GRM7: variants seen among roughly 807,000 people sequenced by gnomAD.
GRM7 encodes the protein metabotropic glutamate receptor 7.
A neutral mutation model predicts 84.5 loss-of-function variants in GRM7; 35 were observed. The ratio of observed to expected loss-of-function variants is 0.41; its 90% CI spans 0.32 to 0.55. The LOEUF (loss-of-function observed/expected upper bound fraction) is 0.55, where lower values mean the gene tolerates loss of function less well. Among genes scored for constraint, GRM7 ranks in the 20% least tolerant of loss-of-function variants. The pLI is 0.19. For synonymous variants in GRM7, 487 were observed against 455.1 expected (o/e 1.07, Z -0.89); for missense variants, 1,003 against 1,194.6 (o/e 0.84, Z 2.36).
chr3:7,272,156 C>A (rs543269708), intron 2 of GRM7, among the ~76,000 whole-genome samples: 1 of 152,268 alleles, frequency 6.6e-6, no homozygotes, highest in African/African-American at 2.4e-5. Flanking sequence ...TTTCCTCTCT[C>A]CCTCCGTAAC....
At chr3:7,308,528 C>T (rs1700277022) in intron 4 of GRM7, among the ~76,000 whole-genome samples, 1 of 152,156 alleles carries the variant, frequency 6.6e-6, no homozygotes. Context: ...CATATAAGGA[C>T]ATGGCACAAA....
At chr3:7,468,703 G>A (rs1214095484) in intron 7 of GRM7, among the ~76,000 whole-genome samples, 1 of 152,140 alleles carries the variant, frequency 6.6e-6, no homozygotes, top group Non-Finnish European at 1.5e-5. Flanking sequence ...GGAGGTGATT[G>A]GGTCATTGGG....
At chr3:7,704,782 T>A (rs1487794336) in intron 9 of GRM7, among the ~76,000 whole-genome samples, 1 of 152,152 alleles carries the variant, frequency 6.6e-6, no homozygotes, top group African/African-American at 2.4e-5. Context: ...CCCAAATGCC[T>A]GGCTCTCTGG....
chr3:7,630,909 GTGAATACAGGA>G (rs1697833814), intron 8 of GRM7, among the ~76,000 whole-genome samples: 1 of 152,192 alleles, frequency 6.6e-6, no homozygotes, highest in South Asian at 2.1e-4. Flanking sequence ...GATGAACCCA[GTGAATACAGGA>G]TGAATTTTTT....
At chr3:6,890,558 A>T (rs1337184335) in intron 1 of GRM7, among the ~76,000 whole-genome samples, 1 of 152,060 alleles carries the variant, frequency 6.6e-6, no homozygotes, top group African/African-American at 2.4e-5. Context: ...GAGTTTCTTA[A>T]TCCTGAGTTC....
At chr3:7,536,734 C>CA (rs2125011239) in intron 7 of GRM7, among the ~76,000 whole-genome samples, 1 of 152,310 alleles carries the variant, frequency 6.6e-6, no homozygotes, top group East Asian at 1.9e-4. Flanking sequence ...AGCCTTGAGT[C>CA]AGTGATCTTG....
intron 4 of GRM7, among the ~76,000 whole-genome samples, chr3:7,325,140 C>G (rs148346226): frequency 6.6e-6 from 1 of 152,132 alleles, no homozygotes; most frequent in Non-Finnish European, 1.5e-5. Context: ...CCTCAACTGT[C>G]TTCTAACATG....
intron 9 of GRM7, among the ~76,000 whole-genome samples, chr3:7,724,493 C>T (rs917841267): frequency 6.6e-5 from 10 of 152,194 alleles, no homozygotes; most frequent in Middle Eastern, 3.4e-3. Flanking sequence ...TACTTTTTCC[C>T]GATTAGGTAA....
intron 7 of GRM7, among the ~76,000 whole-genome samples, chr3:7,530,786 G>A (rs550055269): frequency 2.0e-5 from 3 of 151,526 alleles, no homozygotes; most frequent in African/African-American, 4.8e-5. Context: ...TTTTTTGATG[G>A]GTCTGTTTTT....
intron 8 of GRM7, among the ~76,000 whole-genome samples, chr3:7,618,214 G>A (rs565552362): frequency 2.0e-5 from 3 of 152,200 alleles, no homozygotes; most frequent in South Asian, 4.1e-4. Flanking sequence ...GGGGGTTTTA[G>A]TAAACCACTT....
At position 6,861,598 on chromosome 3, in the gene GRM7, CAAG is replaced by C. The variant is rs754195575; in HGVS notation, c.212_214del (p.Lys71del). The C allele has an allele frequency of 6.2e-7, 1 of 1,611,028 alleles. No homozygotes were observed. The highest frequency in any genetic ancestry group is 8.5e-7 in the Non-Finnish European group (1 of 1,178,410). On this transcript the variant is annotated inframe_deletion, in exon 1 of 10. Coordinates refer to ENST00000357716, the MANE Select transcript of GRM7 (RefSeq NM_000844.4). The surrounding 1 kb of genome is among the most constrained non-coding windows in gnomAD (Gnocchi z 6.4). The stretch of plus-strand genomic sequence containing the variant: ...CCAGCGGAGTGCCCTGCGGCGACAT[CAAG>C]AGGGAAAACGGGATCCACAGGCTGG...
At chr3:7,350,088 C>T (rs1333489715) in intron 4 of GRM7, among the ~76,000 whole-genome samples, 1 of 152,068 alleles carries the variant, frequency 6.6e-6, no homozygotes, top group Non-Finnish European at 1.5e-5. Flanking sequence ...TGCGTAAGTA[C>T]CTAATCACAA....
chr3:7,549,832 C>T (rs1348466779), intron 7 of GRM7, among the ~76,000 whole-genome samples: 1 of 152,172 alleles, frequency 6.6e-6, no homozygotes, highest in Non-Finnish European at 1.5e-5. Context: ...AGATATGCAT[C>T]TGTAATGCTT....
chr3:7,446,988 A>C (rs1697543691), intron 5 of GRM7, among the ~76,000 whole-genome samples: 1 of 128,454 alleles, frequency 7.8e-6, no homozygotes, highest in Non-Finnish European at 1.9e-5. Context: ...TGTGTAATGC[A>C]ACTGACAATT....
chr3:7,183,763 T>C (rs1695423427), intron 2 of GRM7, among the ~76,000 whole-genome samples: 1 of 152,178 alleles, frequency 6.6e-6, no homozygotes, highest in Admixed American at 6.5e-5. Flanking sequence ...GTGGTTGCTG[T>C]TGGAGCTATT....
intron 4 of GRM7, among the ~76,000 whole-genome samples, chr3:7,396,332 T>A (rs1468882986): frequency 2.6e-5 from 4 of 152,158 alleles, no homozygotes; most frequent in Admixed American, 2.6e-4. Flanking sequence ...GAGAGGTTTC[T>A]GAGGTAGCAA....
Position 6,862,561 on chromosome 3 carries a change from G to A in GRM7, c.519+654G>A, listed in dbSNP as rs1006296887. On this transcript the variant is annotated intron_variant, in intron 1 of 9. Transcript: ENST00000357716. The surrounding 1 kb of genome is among the most constrained non-coding windows in gnomAD (Gnocchi z 5.2). The stretch of plus-strand genomic sequence containing the variant: ...GATGCTGCCCGCAGACGTGACCCCC[G>A]GTTGGTTTGCTCCGGGCAATATTTT... Among the ~76,000 whole-genome samples, 2 of 152,148 alleles carry A rather than the reference G, an allele frequency of 1.3e-5. No homozygotes were observed. The highest frequency in any genetic ancestry group is 2.9e-5 in the Non-Finnish European group (2 of 68,016).
At chr3:7,097,025 C>T (rs1698881801) in intron 1 of GRM7, among the ~76,000 whole-genome samples, 1 of 152,086 alleles carries the variant, frequency 6.6e-6, no homozygotes, top group Non-Finnish European at 1.5e-5. Context: ...ACACAAAATG[C>T]CTAAATATGA....
At chr3:6,956,807 C>T (rs529773182) in intron 1 of GRM7, among the ~76,000 whole-genome samples, 1 of 152,232 alleles carries the variant, frequency 6.6e-6, no homozygotes, top group South Asian at 2.1e-4. Flanking sequence ...CCGGGAAATA[C>T]AATTTGAAGG....
Sources: allele counts gnomAD v4.1 joint callset (sites outside exome capture counted in the v4.1 genomes callset), GRCh38; gene constraint gnomAD v4.1.1; non-coding constraint Gnocchi (gnomAD v3.1); transcripts MANE v1.5; gene names NCBI Gene and HGNC (gene_info 2026-07-23, HGNC 2026-07-21).